The following ATOH8 variants were observed in gnomAD, a reference collection of about 807,000 sequenced individuals.
The protein encoded by ATOH8 is atonal bHLH transcription factor 8.
In ATOH8, 9 loss-of-function variants were observed where a neutral mutation model predicts 21.2. The observed-to-expected ratio is 0.42, with a 90% CI of 0.26 to 0.74. The LOEUF (loss-of-function observed/expected upper bound fraction) is 0.74. Ranked by LOEUF, ATOH8 falls within the 30% of genes least tolerant of loss-of-function variation. The pLI, the probability that ATOH8 is intolerant of heterozygous loss-of-function variation, is 0.24. For synonymous variants in ATOH8, 253 were observed against 224.0 expected (o/e 1.13, Z -1.16); for missense variants, 524 against 470.9 (o/e 1.11, Z -1.04).
rs1383063272 is a variant in ATOH8, at chr2:85,766,694, C to G, written c.960+2512C>G. Among the ~76,000 whole-genome samples the G allele has an allele frequency of 6.6e-6, 1 of 152,224 alleles. No individual in the cohort carries two copies. Among genetic ancestry groups the G allele is most frequent in the Non-Finnish European group, 1.5e-5 (1 of 68,032 alleles). ...CCAGATTCCTTTCCAGCTCAGGACC[C>G]CTGGAGTCGCTGGAGCCTTCGAGCT... On this transcript the variant is annotated intron_variant, in intron 2 of 2. Coordinates refer to ENST00000306279, the MANE Select transcript of ATOH8 (RefSeq NM_032827.7). The surrounding 1 kb of genome is among the most constrained non-coding windows in gnomAD (Gnocchi z 4.0).
chr2:85,762,318 A>G (rs539907871), intron 1 of ATOH8, among the ~76,000 whole-genome samples: 2 of 152,372 alleles, frequency 1.3e-5, no homozygotes, highest in South Asian at 2.1e-4. Flanking sequence ...GCTTAGCTTT[A>G]TGCCAGATAG....
chr2:85,755,585 C>G (rs1216672406), intron 1 of ATOH8, among the ~76,000 whole-genome samples: 1 of 152,208 alleles, frequency 6.6e-6, no homozygotes, highest in Non-Finnish European at 1.5e-5. Context: ...GTGAAGCAGG[C>G]AGCTCTGCCG....
At chr2:85,755,512 A>G (rs925557327) in intron 1 of ATOH8, among the ~76,000 whole-genome samples, 48 of 152,240 alleles carry the variant, frequency 3.2e-4, no homozygotes, top group Non-Finnish European at 8.8e-5. Context: ...CCCTCTCCCC[A>G]GGGGTGGGCT....
intron 2 of ATOH8, chr2:85,773,015 A>G: frequency 2.7e-6 from 1 of 365,172 alleles, no homozygotes; most frequent in East Asian, 7.3e-5. Flanking sequence ...TGGGAGCAAG[A>G]AGGTGCTTGG....
chr2:85,784,461 G>C (rs542946552), intron 2 of ATOH8, among the ~76,000 whole-genome samples: 136 of 152,174 alleles, frequency 8.9e-4, no homozygotes, highest in Middle Eastern at 3.4e-3. Context: ...AGGATCGCTT[G>C]AGCCTAGAAG....
Position 85,779,106 on chromosome 2 carries a change from A to G in ATOH8, c.961-7779A>G, listed in dbSNP as rs144452712. On this transcript the variant is annotated intron_variant, in intron 2 of 2. Coordinates refer to ENST00000306279, the MANE Select transcript of ATOH8 (RefSeq NM_032827.7). ...CCCCTCCAGCCTGGGTGCCCCCTTG[A>G]GCCTGGATGCCTCTTCTGGCTCTGC... 5.5e-3 allele frequency among the ~76,000 whole-genome samples: 840 copies of G among 152,186 alleles called. 9 individuals carry two copies. Among genetic ancestry groups the G allele is most frequent in the African/African-American group, 0.019 (789 of 41,514 alleles).
At chr2:85,758,805 G>T (rs927912827) in intron 1 of ATOH8, among the ~76,000 whole-genome samples, 1 of 152,220 alleles carries the variant, frequency 6.6e-6, no homozygotes, top group Non-Finnish European at 1.5e-5. Flanking sequence ...AAGGCCATGT[G>T]TGCACAGCTG....
chr2:85,754,963 C>G lies in ATOH8; in HGVS notation c.768+6C>G. On this transcript the variant is annotated splice_donor_region_variant and intron_variant, in intron 1 of 2. Transcript: ENST00000306279. Reference sequence around the variant, plus strand: ...TCGAGGCGCTCAGGAAGCAGGTACCCGCTCGCCGCCGCACGCCCTCACTGC... The same window carrying G: ...TCGAGGCGCTCAGGAAGCAGGTACCGGCTCGCCGCCGCACGCCCTCACTGC... 6.3e-7 allele frequency: 1 copy of G among 1,581,380 alleles called. No individual in the cohort carries two copies. Among genetic ancestry groups the G allele is most frequent in the Non-Finnish European group, 8.5e-7 (1 of 1,169,954 alleles).
At chr2:85,759,821 G>C (rs1679812150) in intron 1 of ATOH8, among the ~76,000 whole-genome samples, 1 of 152,124 alleles carries the variant, frequency 6.6e-6, no homozygotes, top group South Asian at 2.1e-4. Context: ...TCTTGGGCTG[G>C]GTCTGCAGGG....
chr2:85,777,776 A>T (rs1251988786), intron 2 of ATOH8, among the ~76,000 whole-genome samples: 1 of 152,298 alleles, frequency 6.6e-6, no homozygotes, highest in East Asian at 1.9e-4. Flanking sequence ...TCACTTTGGG[A>T]TCCCCAGAGC....
rs1056647963 is a variant in ATOH8, at chr2:85,766,924, G to T, written c.960+2742G>T. Among the ~76,000 whole-genome samples, 2 of 152,138 alleles carry T rather than the reference G, an allele frequency of 1.3e-5. No homozygotes were observed. The highest frequency in any genetic ancestry group is 6.5e-5 in the Admixed American group (1 of 15,294). On this transcript the variant is annotated intron_variant, in intron 2 of 2. Coordinates refer to ENST00000306279, the MANE Select transcript of ATOH8 (RefSeq NM_032827.7). The surrounding 1 kb of genome is among the most constrained non-coding windows in gnomAD (Gnocchi z 4.0). The stretch of plus-strand genomic sequence containing the variant: ...AAGCCCAGCATAGCTGGCCTTAGCT[G>T]GTCCCCTCGGCAGATGTCCTGCCCC...
intron 2 of ATOH8, among the ~76,000 whole-genome samples, chr2:85,765,544 G>A (rs1487235820): frequency 6.6e-6 from 1 of 152,232 alleles, no homozygotes; most frequent in Non-Finnish European, 1.5e-5. Flanking sequence ...AGTGACACTG[G>A]TAAATTAGGG....
In ATOH8 at chr2:85,766,812, C is replaced by G. The variant is rs1167202611; in HGVS notation, c.960+2630C>G. Among the ~76,000 whole-genome samples, 1 of 152,186 alleles carries G rather than the reference C, an allele frequency of 6.6e-6. No homozygotes were observed. The highest frequency in any genetic ancestry group is 1.5e-5 in the Non-Finnish European group (1 of 68,032). On this transcript the variant is annotated intron_variant, in intron 2 of 2. Coordinates refer to ENST00000306279, the MANE Select transcript of ATOH8 (RefSeq NM_032827.7). This position sits in a 1 kb window ranked among gnomAD's most constrained non-coding sequence, Gnocchi z 4.0. ...TTGCTAGCTGTCACCCTCCATCTGT[C>G]TGTCTACCTGTCTTTCTCTCTGAGT...
At chr2:85,778,651 G>A (rs1173198069) in intron 2 of ATOH8, among the ~76,000 whole-genome samples, 3 of 152,146 alleles carry the variant, frequency 2.0e-5, no homozygotes, top group Non-Finnish European at 4.4e-5. Context: ...CAGCACTTTG[G>A]TGTGACTTGG....
At chr2:85,765,572 G>A (rs1005668824) in intron 2 of ATOH8, among the ~76,000 whole-genome samples, 7 of 152,204 alleles carry the variant, frequency 4.6e-5, no homozygotes, top group African/African-American at 1.7e-4. Context: ...GATGGCTCCC[G>A]CGGCGCTCGG....
intron 1 of ATOH8, among the ~76,000 whole-genome samples, chr2:85,758,596 A>G (rs565085276): frequency 2.0e-5 from 3 of 152,300 alleles, no homozygotes; most frequent in East Asian, 1.9e-4. Context: ...ACAGGCTCCC[A>G]TTGTGTCATA....
chr2:85,763,440 C>T (rs116643190), intron 1 of ATOH8, among the ~76,000 whole-genome samples: 1 of 152,214 alleles, frequency 6.6e-6, no homozygotes, highest in East Asian at 1.9e-4. Context: ...AAATGAAAAC[C>T]AGCCATGTTT....
intron 1 of ATOH8, among the ~76,000 whole-genome samples, chr2:85,755,278 G>A (rs1195986280): frequency 1.3e-5 from 2 of 152,204 alleles, no homozygotes; most frequent in Non-Finnish European, 2.9e-5. Context: ...TCCCCTGGGC[G>A]CGGTGCGGAG....
chr2:85,774,888 G>A lies in ATOH8; in HGVS notation c.960+10706G>A, dbSNP rs934464079. On this transcript the variant is annotated intron_variant, in intron 2 of 2. Transcript: ENST00000306279. Reference sequence around the variant, plus strand: ...AATGCCCTTCTCCACTGTCTGCCTGGCTAACTCCTGCTCATTCTGGAAGGC... The same window carrying A: ...AATGCCCTTCTCCACTGTCTGCCTGACTAACTCCTGCTCATTCTGGAAGGC... 114 of 910,832 alleles carry A rather than the reference G, an allele frequency of 1.3e-4. 1 individual carries two copies. Among genetic ancestry groups the A allele is most frequent in the Non-Finnish European group, 3.4e-5 (26 of 762,218 alleles). The allele number at this position is 910,832 out of a possible 1,614,324, so 56.4% of individuals were successfully genotyped here.
Sources: gnomAD v4.1 joint callset for allele counts (sites outside exome capture counted in the v4.1 genomes callset) on GRCh38, gnomAD v4.1.1 for gene constraint, Gnocchi (gnomAD v3.1) non-coding constraint, MANE v1.5 for transcripts, NCBI Gene and HGNC (gene_info 2026-07-23, HGNC 2026-07-21) for gene names.